The following RNF220 variants were observed in gnomAD, a reference collection of about 807,000 sequenced individuals.
RNF220 encodes the protein ring finger protein 220, also known as E3 ubiquitin-protein ligase RNF220.
RNF220 carries 7 observed loss-of-function variants against 67.1 expected under a neutral mutation model. The observed-to-expected ratio is 0.10, with a 90% CI of 0.06 to 0.20. RNF220 has a LOEUF of 0.20. RNF220 is among the 10% of genes least tolerant of loss of function. The pLI, the probability that RNF220 is intolerant of heterozygous loss-of-function variation, is 1.00. For synonymous variants in RNF220, 270 were observed against 283.2 expected (o/e 0.95, Z 0.47); for missense variants, 565 against 740.3 (o/e 0.76, Z 2.75).
intron 2 of RNF220, among the ~76,000 whole-genome samples, chr1:44,526,246 C>T (rs1660366073): frequency 6.6e-6 from 1 of 152,226 alleles, no homozygotes; most frequent in Non-Finnish European, 1.5e-5. Context: ...TAAGTCTCAA[C>T]AGTCTGCGTA....
chr1:44,546,304 C>T (rs1662140818), intron 2 of RNF220, among the ~76,000 whole-genome samples: 1 of 152,150 alleles, frequency 6.6e-6, no homozygotes, highest in Non-Finnish European at 1.5e-5. Context: ...TCAGTGGCCC[C>T]CCAGGCCCAG....
At chr1:44,456,937 T>C (rs1653245881) in intron 2 of RNF220, among the ~76,000 whole-genome samples, 1 of 152,096 alleles carries the variant, frequency 6.6e-6, no homozygotes. Context: ...CTCAGTGTCT[T>C]AGCACCCGCT....
chr1:44,580,729 T>C (rs1322610508), intron 2 of RNF220, among the ~76,000 whole-genome samples: 1 of 152,226 alleles, frequency 6.6e-6, no homozygotes, highest in African/African-American at 2.4e-5. Context: ...TCTGGGGTTC[T>C]GGGCTCCAAT....
At chr1:44,636,570 G>A in intron 8 of RNF220, 1 of 642,916 alleles carries the variant, frequency 1.6e-6, no homozygotes, top group Non-Finnish European at 2.9e-6. Flanking sequence ...GGCCCTGAGG[G>A]CTTCCAGGCA....
intron 2 of RNF220, among the ~76,000 whole-genome samples, chr1:44,610,143 C>T (rs1306787201): frequency 6.6e-6 from 1 of 152,196 alleles, no homozygotes; most frequent in Non-Finnish European, 1.5e-5. Flanking sequence ...AGCGATCCAT[C>T]TTTGCATGGG....
intron 2 of RNF220, among the ~76,000 whole-genome samples, chr1:44,546,247 C>T (rs185995455): frequency 7.2e-5 from 11 of 152,272 alleles, no homozygotes; most frequent in Admixed American, 6.5e-5. Context: ...ATGGCCAGTA[C>T]CAGAAGGCCA....
intron 2 of RNF220, among the ~76,000 whole-genome samples, chr1:44,531,981 T>G (rs1337534076): frequency 6.6e-6 from 1 of 152,170 alleles, no homozygotes; most frequent in Non-Finnish European, 1.5e-5. Flanking sequence ...TGCCCCCCTT[T>G]TTTCTAAGGT....
At position 44,650,310 on chromosome 1, in the gene RNF220, C is replaced by A; in HGVS notation, c.1629+353C>A. ...GGCCCCTCCCCCTCCCATTACTAAG[C>A]TCCTTCTGCTCCTGCCCCTGTTCTT... is the stretch of plus-strand genomic sequence containing the variant. On this transcript the variant is annotated intron_variant, in intron 14 of 14. Transcript: ENST00000361799. The surrounding 1 kb of genome is among the most constrained non-coding windows in gnomAD (Gnocchi z 4.3). 1 of 487,008 alleles carries A rather than the reference C, an allele frequency of 2.1e-6. No individual in the cohort carries two copies. The highest frequency in any genetic ancestry group is 3.7e-6 in the Non-Finnish European group (1 of 268,968). 30.2% of individuals were successfully genotyped at this position (487,008 alleles called of 1,614,324 possible). A position where few individuals can be genotyped will look rare whatever the true frequency, so the allele number is the denominator to read the frequency against.
chr1:44,491,696 C>G (rs1170833122), intron 2 of RNF220, among the ~76,000 whole-genome samples: 4 of 151,878 alleles, frequency 2.6e-5, no homozygotes, highest in African/African-American at 9.7e-5. Flanking sequence ...CAAGGTCTCA[C>G]TCTGTCGTCC....
chr1:44,452,281 C>A (rs959063774), intron 2 of RNF220, among the ~76,000 whole-genome samples: 2 of 152,102 alleles, frequency 1.3e-5, no homozygotes, highest in African/African-American at 4.8e-5. Context: ...CAGCTGGGTG[C>A]GGTGGCTCAC....
At chr1:44,551,871 T>C (rs577981744) in intron 2 of RNF220, among the ~76,000 whole-genome samples, 2 of 152,268 alleles carry the variant, frequency 1.3e-5, no homozygotes, top group East Asian at 3.9e-4. Context: ...CAAGCTCCCA[T>C]TCCCACAAGC....
At chr1:44,608,457 AT>A (rs1295914660) in intron 2 of RNF220, among the ~76,000 whole-genome samples, 3 of 152,194 alleles carry the variant, frequency 2.0e-5, no homozygotes, top group African/African-American at 7.2e-5. Flanking sequence ...TCAGGTCTGG[AT>A]TCAGACAGAA....
At chr1:44,572,387 G>A (rs943335967) in intron 2 of RNF220, among the ~76,000 whole-genome samples, 2 of 152,162 alleles carry the variant, frequency 1.3e-5, no homozygotes, top group Non-Finnish European at 2.9e-5. Context: ...ACAAGGGAAG[G>A]GACTCTTTGA....
intron 2 of RNF220, among the ~76,000 whole-genome samples, chr1:44,434,524 C>T (rs12049123): frequency 0.036 from 5,432 of 151,934 alleles, 135 homozygotes; most frequent in East Asian, 0.12. Flanking sequence ...CTGGCTAACA[C>T]GGTGAAACCA....
At chr1:44,517,325 G>A (rs1659532595) in intron 2 of RNF220, among the ~76,000 whole-genome samples, 1 of 151,880 alleles carries the variant, frequency 6.6e-6, no homozygotes, top group African/African-American at 2.4e-5. Context: ...CTCTCCTCGG[G>A]GTCTTTCATC....
intron 2 of RNF220, among the ~76,000 whole-genome samples, chr1:44,459,201 C>G (rs1653508679): frequency 6.6e-6 from 1 of 151,230 alleles, no homozygotes; most frequent in African/African-American, 2.4e-5. Flanking sequence ...TTTTTAATTT[C>G]AAGGTTTTTC....
At chr1:44,435,601 T>C (rs140675629) in intron 2 of RNF220, among the ~76,000 whole-genome samples, 44 of 152,286 alleles carry the variant, frequency 2.9e-4, no homozygotes, top group African/African-American at 9.4e-4. Flanking sequence ...TCTAAACTTG[T>C]GCTGGCCTTC....
intron 2 of RNF220, among the ~76,000 whole-genome samples, chr1:44,583,575 G>A (rs1665476109): frequency 6.6e-6 from 1 of 152,184 alleles, no homozygotes; most frequent in African/African-American, 2.4e-5. Flanking sequence ...TAGAAAATGT[G>A]GTCATTACTG....
chr1:44,597,832 C>T (rs1276123377), intron 2 of RNF220, among the ~76,000 whole-genome samples: 1 of 152,148 alleles, frequency 6.6e-6, no homozygotes, highest in Non-Finnish European at 1.5e-5. Context: ...CTCCTCTTCC[C>T]GGCGCCCTTG....
Sources: gnomAD v4.1 joint callset for allele counts (sites outside exome capture counted in the v4.1 genomes callset) on GRCh38, gnomAD v4.1.1 for gene constraint, Gnocchi (gnomAD v3.1) non-coding constraint, MANE v1.5 for transcripts, NCBI Gene and HGNC (gene_info 2026-07-23, HGNC 2026-07-21) for gene names.